WWOX: variants seen among roughly 807,000 people sequenced by gnomAD.
WWOX encodes the protein WW domain-containing oxidoreductase.
WWOX carries 69 observed loss-of-function variants against 46.2 expected under a neutral mutation model. That is an observed-to-expected ratio of 1.49 (90% CI 1.23 to 1.82). The LOEUF is 1.82. WWOX is among the 40% of genes most tolerant of loss of function. The pLI is 0.00. For missense variants in WWOX, 919 were observed against 542.6 expected, an observed-to-expected ratio of 1.69 and a Z score of -6.89; for synonymous variants, 359 against 202.6, an observed-to-expected ratio of 1.77 and a Z score of -6.56.
At chr16:78,893,189 G>A (rs1191758121) in intron 8 of WWOX, among the ~76,000 whole-genome samples, 7 of 148,822 alleles carry the variant, frequency 4.7e-5, no homozygotes, top group Admixed American at 4.7e-4. Flanking sequence ...AATGACTATA[G>A]CTAGAAAAAA....
chr16:78,913,154 G>A (rs1369186204), intron 8 of WWOX, among the ~76,000 whole-genome samples: 1 of 152,036 alleles, frequency 6.6e-6, no homozygotes, highest in Admixed American at 6.6e-5. Flanking sequence ...GATCATGGCA[G>A]TTGCTGTCGC....
chr16:78,625,226 T>A (rs912011211), intron 8 of WWOX, among the ~76,000 whole-genome samples: 3 of 152,108 alleles, frequency 2.0e-5, no homozygotes, highest in African/African-American at 7.2e-5. Context: ...TAGGCTGGGG[T>A]CACCGGGGTC....
At chr16:78,950,439 A>G (rs1375336559) in intron 8 of WWOX, among the ~76,000 whole-genome samples, 1 of 151,970 alleles carries the variant, frequency 6.6e-6, no homozygotes, top group Non-Finnish European at 1.5e-5. Flanking sequence ...GATGAAAAAG[A>G]TGTTGGGTTG....
chr16:78,753,290 G>C (rs1320957794), intron 8 of WWOX, among the ~76,000 whole-genome samples: 1 of 151,794 alleles, frequency 6.6e-6, no homozygotes, highest in African/African-American at 2.4e-5. Flanking sequence ...ACAGACTCCA[G>C]CCTGAGCGAC....
At chr16:78,828,659 C>G (rs2051728239) in intron 8 of WWOX, among the ~76,000 whole-genome samples, 1 of 152,142 alleles carries the variant, frequency 6.6e-6, no homozygotes, top group East Asian at 1.9e-4. Flanking sequence ...AAACTTCACA[C>G]TCTGACCTTT....
At chr16:79,024,587 C>A (rs113287390) in intron 8 of WWOX, among the ~76,000 whole-genome samples, 2,403 of 152,216 alleles carry the variant, frequency 0.016, 83 homozygotes, top group African/African-American at 0.056. Context: ...GCACCCACCA[C>A]CATGCCTGGC....
intron 8 of WWOX, among the ~76,000 whole-genome samples, chr16:78,881,222 C>G (rs990516950): frequency 2.6e-5 from 4 of 151,886 alleles, no homozygotes; most frequent in South Asian, 2.1e-4. Context: ...AGGCTGGTCT[C>G]AAAACTCCTG....
intron 5 of WWOX, among the ~76,000 whole-genome samples, chr16:78,185,150 C>T (rs529840522): frequency 3.9e-5 from 6 of 152,236 alleles, no homozygotes; most frequent in Non-Finnish European, 5.9e-5. Flanking sequence ...TAGTAGGGTG[C>T]TGTGTGTGTG....
At chr16:79,094,633 G>T (rs1295789979) in intron 8 of WWOX, among the ~76,000 whole-genome samples, 4 of 151,758 alleles carry the variant, frequency 2.6e-5, no homozygotes, top group Non-Finnish European at 1.5e-5. Context: ...TCTCAGGTCT[G>T]TTTTTTCTTT....
chr16:78,728,833 A>G (rs2048896034), intron 8 of WWOX, among the ~76,000 whole-genome samples: 1 of 152,178 alleles, frequency 6.6e-6, no homozygotes, highest in Admixed American at 6.5e-5. Context: ...CAGGTATGTC[A>G]CTTAAACCTT....
Position 78,617,010 on chromosome 16 carries a change from G to C in WWOX, c.1056+184258G>C, listed in dbSNP as rs75668732. On this transcript the variant is annotated intron_variant, in intron 8 of 8. Coordinates refer to ENST00000566780, the MANE Select transcript of WWOX (RefSeq NM_016373.4). ...ATGATCTGAGAAGACACAAAACCCA[G>C]CGTGGTGATTTTGGCAGCCTTGCCA... is the stretch of plus-strand genomic sequence containing the variant. 9.9e-3 allele frequency among the ~76,000 whole-genome samples: 1,510 copies of C among 152,294 alleles called. 11 individuals are homozygous for C. Among genetic ancestry groups the C allele is most frequent in the Middle Eastern group, 0.034 (10 of 294 alleles).
intron 8 of WWOX, among the ~76,000 whole-genome samples, chr16:78,993,649 C>T (rs1202283606): frequency 6.6e-6 from 1 of 152,180 alleles, no homozygotes; most frequent in East Asian, 1.9e-4. Context: ...CCATGGCTGT[C>T]TCTTAGTTTT....
intron 8 of WWOX, among the ~76,000 whole-genome samples, chr16:78,730,358 A>T (rs553097368): frequency 6.6e-6 from 1 of 151,734 alleles, no homozygotes; most frequent in Non-Finnish European, 1.5e-5. Context: ...CAGCATTATC[A>T]TATAAGCCAC....
At chr16:79,082,984 G>T (rs1233549302) in intron 8 of WWOX, among the ~76,000 whole-genome samples, 1 of 152,058 alleles carries the variant, frequency 6.6e-6, no homozygotes, top group African/African-American at 2.4e-5. Context: ...TGGTGTGAGT[G>T]GTTCCCAAAA....
intron 8 of WWOX, among the ~76,000 whole-genome samples, chr16:79,171,629 G>T (rs1477819832): frequency 1.3e-5 from 2 of 152,142 alleles, no homozygotes; most frequent in Non-Finnish European, 2.9e-5. Flanking sequence ...GTTGAGTCCA[G>T]CCACCCAAGG....
chr16:78,766,291 A>T (rs886278852), intron 8 of WWOX, among the ~76,000 whole-genome samples: 2 of 152,176 alleles, frequency 1.3e-5, no homozygotes, highest in Admixed American at 6.5e-5. Flanking sequence ...GTGTGTCGCT[A>T]GCCTTATTAA....
chr16:78,222,831 G>T (rs948044784), intron 5 of WWOX, among the ~76,000 whole-genome samples: 1 of 152,138 alleles, frequency 6.6e-6, no homozygotes. Flanking sequence ...GAAGTGACAC[G>T]CGCTCCAGAT....
chr16:78,731,997 C>T (rs1266278757), intron 8 of WWOX, among the ~76,000 whole-genome samples: 1 of 151,912 alleles, frequency 6.6e-6, no homozygotes, highest in Admixed American at 6.6e-5. Flanking sequence ...CAGGTATGCA[C>T]TACCATGCCC....
chr16:78,379,002 C>T (rs1302512480), intron 5 of WWOX, among the ~76,000 whole-genome samples: 1 of 152,190 alleles, frequency 6.6e-6, no homozygotes, highest in Non-Finnish European at 1.5e-5. Flanking sequence ...TTGGAACCAG[C>T]CACATCTCAG....
Sources: allele counts gnomAD v4.1 joint callset (sites outside exome capture counted in the v4.1 genomes callset), GRCh38; gene constraint gnomAD v4.1.1; transcripts MANE v1.5; gene names NCBI Gene and HGNC (gene_info 2026-07-23, HGNC 2026-07-21).